Variants in CNTN4 observed in about 807,000 individuals in gnomAD.
CNTN4 encodes contactin-4.
A neutral mutation model predicts 122.5 loss-of-function variants in CNTN4; 77 were observed. The observed-to-expected ratio is 0.63, with a 90% CI of 0.52 to 0.76. The LOEUF is 0.76. Among genes scored for constraint, CNTN4 ranks in the 30% least tolerant of loss-of-function variants. The pLI, the probability that CNTN4 is intolerant of heterozygous loss-of-function variation, is 0.00. For synonymous variants in CNTN4, 512 were observed against 447.0 expected, an observed-to-expected ratio of 1.15 and a Z score of -1.83; for missense variants, 1,256 against 1,259.1, an observed-to-expected ratio of 1.00 and a Z score of 0.04.
chr3:2,255,223 C>G (rs142342598), intron 2 of CNTN4, among the ~76,000 whole-genome samples: 1 of 151,380 alleles, frequency 6.6e-6, no homozygotes, highest in African/African-American at 2.4e-5. Flanking sequence ...TCTGAGGGCT[C>G]TGTCCTGTTC....
rs186774671 is a variant in CNTN4 at position 2,409,333 on chromosome 3, C to T, written c.-89+70100C>T. On this transcript the variant is annotated intron_variant, in intron 3 of 24. Coordinates refer to ENST00000418658, the MANE Select transcript of CNTN4 (RefSeq NM_175607.3). ...CATGATCTTGACTCACTGCAAGCTC[C>T]GCCTCCCGGGTTCAGGCCATTCTCC... Among the ~76,000 whole-genome samples, 415 of 151,226 alleles carry T rather than the reference C, an allele frequency of 2.7e-3. 4 individuals are homozygous for T. Among genetic ancestry groups the T allele is most frequent in the African/African-American group, 9.0e-3 (371 of 41,202 alleles).
intron 3 of CNTN4, among the ~76,000 whole-genome samples, chr3:2,399,912 C>T (rs936786383): frequency 6.6e-6 from 1 of 151,970 alleles, no homozygotes; most frequent in Admixed American, 6.6e-5. Context: ...AAAGAGTAAC[C>T]TCTGCATTTT....
intron 6 of CNTN4, among the ~76,000 whole-genome samples, chr3:2,794,048 C>T (rs1257835301): frequency 6.6e-6 from 1 of 152,036 alleles, no homozygotes; most frequent in Non-Finnish European, 1.5e-5. Context: ...AAGTTTACAG[C>T]ATAAGGAAAT....
At chr3:2,473,000 G>A (rs936837087) in intron 3 of CNTN4, among the ~76,000 whole-genome samples, 5 of 152,194 alleles carry the variant, frequency 3.3e-5, no homozygotes, top group South Asian at 2.1e-4. Flanking sequence ...TTGGGAGGCC[G>A]AAGCAGGTGG....
rs869106549 is a variant in CNTN4, at chr3:2,627,490, C to CTTTTTT, written c.55+55948_55+55953dup. ...CATGAGGGATGTTGCCATTAAGTGT[C>CTTTTTT]TTTTTTTTTTTTTTTTTTTTTGAGA... On this transcript the variant is annotated intron_variant, in intron 4 of 24. Transcript: ENST00000418658. Among the ~76,000 whole-genome samples, 8 of 116,210 alleles carry CTTTTTT rather than the reference C, an allele frequency of 6.9e-5. 1 individual carries two copies. Among genetic ancestry groups the CTTTTTT allele is most frequent in the African/African-American group, 9.6e-5 (3 of 31,380 alleles). 76.2% of individuals were successfully genotyped at this position (116,210 alleles called of 152,430 possible).
At chr3:2,858,675 C>G (rs1178701459) in intron 7 of CNTN4, among the ~76,000 whole-genome samples, 3 of 151,446 alleles carry the variant, frequency 2.0e-5, no homozygotes, top group Admixed American at 1.3e-4. Flanking sequence ...CCCCGGCACT[C>G]CAGCCTGAGT....
intron 13 of CNTN4, among the ~76,000 whole-genome samples, chr3:2,928,991 G>A (rs1410280681): frequency 6.6e-6 from 1 of 152,096 alleles, no homozygotes; most frequent in Non-Finnish European, 1.5e-5. Context: ...CATTCTTTTG[G>A]AAATATACAG....
intron 7 of CNTN4, among the ~76,000 whole-genome samples, chr3:2,860,101 T>C (rs1173316886): frequency 1.3e-5 from 2 of 152,252 alleles, no homozygotes; most frequent in Non-Finnish European, 2.9e-5. Context: ...GGAAGGCTTA[T>C]TTTTAGAAAT....
intron 4 of CNTN4, among the ~76,000 whole-genome samples, chr3:2,615,077 G>A (rs1012717348): frequency 6.6e-6 from 1 of 152,046 alleles, no homozygotes; most frequent in African/African-American, 2.4e-5. Flanking sequence ...AAAGTTTTAT[G>A]TTATTAGCTT....
At chr3:2,101,064 T>C (rs996400164) in intron 2 of CNTN4, among the ~76,000 whole-genome samples, 3 of 152,220 alleles carry the variant, frequency 2.0e-5, no homozygotes, top group African/African-American at 7.2e-5. Context: ...TTCAAGTCAA[T>C]TGGGAGTCAA....
intron 2 of CNTN4, among the ~76,000 whole-genome samples, chr3:2,155,287 T>C (rs541207937): frequency 1.3e-5 from 2 of 152,310 alleles, no homozygotes; most frequent in African/African-American, 4.8e-5. Context: ...CCTGACCTCT[T>C]ACCTTCTGAT....
chr3:2,864,098 G>C (rs2093697673), intron 7 of CNTN4, among the ~76,000 whole-genome samples: 1 of 152,172 alleles, frequency 6.6e-6, no homozygotes, highest in Non-Finnish European at 1.5e-5. Context: ...CTGTTGAAGT[G>C]CAACACCAAT....
At chr3:2,230,007 TAA>T (rs10551672) in intron 2 of CNTN4, among the ~76,000 whole-genome samples, 11,626 of 152,202 alleles carry the variant, frequency 0.076, 764 homozygotes, top group African/African-American at 0.18. Context: ...GTTCTTAACC[TAA>T]AGTTTCTCTA....
chr3:2,729,252 CTGGGATCCTAACCTGTTTAG>C (rs1468668922), intron 4 of CNTN4, among the ~76,000 whole-genome samples: 4 of 152,136 alleles, frequency 2.6e-5, no homozygotes, highest in Non-Finnish European at 4.4e-5. Context: ...TTTTTCTTCA[CTGGGATCCTAACCTGTTTAG>C]AAATGAAAGT....
intron 3 of CNTN4, among the ~76,000 whole-genome samples, chr3:2,517,530 G>T (rs1209032885): frequency 6.6e-6 from 1 of 152,106 alleles, no homozygotes; most frequent in Non-Finnish European, 1.5e-5. Flanking sequence ...AGTTCTTACG[G>T]TAGGGCGTAA....
At chr3:2,622,818 G>C (rs114668179) in intron 4 of CNTN4, among the ~76,000 whole-genome samples, 206 of 152,288 alleles carry the variant, frequency 1.4e-3, no homozygotes, top group African/African-American at 4.7e-3. Context: ...AGATCACGCA[G>C]CTGGTGTGGA....
intron 2 of CNTN4, among the ~76,000 whole-genome samples, chr3:2,139,343 A>C (rs756973029): frequency 6.6e-6 from 1 of 152,216 alleles, no homozygotes; most frequent in African/African-American, 2.4e-5. Flanking sequence ...TTGAAATAAA[A>C]TATTTTTTTC....
chr3:3,032,073 C>T (rs1699210772), intron 16 of CNTN4, among the ~76,000 whole-genome samples: 1 of 152,104 alleles, frequency 6.6e-6, no homozygotes, highest in South Asian at 2.1e-4. Context: ...ATAGCAATTC[C>T]AATGTGTCTG....
At chr3:2,607,006 G>C (rs1040146622) in intron 4 of CNTN4, among the ~76,000 whole-genome samples, 2 of 152,020 alleles carry the variant, frequency 1.3e-5, no homozygotes, top group African/African-American at 4.8e-5. Flanking sequence ...CTTGTGCTTC[G>C]CTTCCACAGT....
Sources: gnomAD v4.1 joint callset for allele counts (sites outside exome capture counted in the v4.1 genomes callset) on GRCh38, gnomAD v4.1.1 for gene constraint, MANE v1.5 for transcripts, NCBI Gene and HGNC (gene_info 2026-07-23, HGNC 2026-07-21) for gene names.